The following CHD1L variants were observed in gnomAD, a reference collection of about 807,000 sequenced individuals.
CHD1L encodes ATP-dependent chromatin remodeler CHD1L.
CHD1L carries 118 observed loss-of-function variants against 115.9 expected under a neutral mutation model. That is an observed-to-expected ratio of 1.02 (90% CI 0.88 to 1.19). The LOEUF (loss-of-function observed/expected upper bound fraction) is 1.19. Ranked by LOEUF, CHD1L falls within the 50% of genes most tolerant of loss-of-function variation. CHD1L has a pLI of 0.00. For missense variants in CHD1L, 1,179 were observed against 1,065.3 expected (o/e 1.11, Z -1.49); for synonymous variants, 411 against 387.1 (o/e 1.06, Z -0.72).
intron 2 of CHD1L, among the ~76,000 whole-genome samples, chr1:147,253,705 C>T (rs193187398): frequency 6.6e-6 from 1 of 152,146 alleles, no homozygotes; most frequent in Non-Finnish European, 1.5e-5. Flanking sequence ...ACTATGTTGC[C>T]CAGGCTGGCC....
chr1:147,204,534 T>G, the CHD1L span: 1 of 1,575,712 alleles, frequency 6.3e-7, no homozygotes, highest in Non-Finnish European at 8.7e-7. Context: ...TGCAAGCTAT[T>G]TCATAACCTT....
chr1:147,207,368 T>C, the CHD1L span, among the ~76,000 whole-genome samples: 2 of 152,150 alleles, frequency 1.3e-5, no homozygotes, highest in Admixed American at 1.3e-4. Context: ...TTTTGCAACT[T>C]TTCTGTAGAT....
At position 147,291,514 on chromosome 1, in the gene CHD1L, G is replaced by T; in HGVS notation, c.2353G>T (p.Val785Phe). Residue 785 changes from valine (V) to phenylalanine (F), a missense_variant, in exon 20 of 23, where the codon GTT (valine) becomes TTT (phenylalanine). Physicochemically the swap from Val to Phe is conservative, Grantham distance 50. Transcript: ENST00000369258. ...LSLGGVLLFP[V>F]DDKESRNKGQ... is the part of the protein sequence containing the mutation. ...TTTGGGAGGTGTCCTTTTATTTCCTGTTGATGATAAAGAATCAAGAAACAA... is the reference window on the plus strand; with the variant it reads ...TTTGGGAGGTGTCCTTTTATTTCCTTTTGATGATAAAGAATCAAGAAACAA... The T allele has an allele frequency of 6.2e-7, 1 of 1,613,942 alleles. No individual in the cohort carries two copies. The highest frequency in any genetic ancestry group is 8.5e-7 in the Non-Finnish European group (1 of 1,179,906).
intron 7 of CHD1L, among the ~76,000 whole-genome samples, 161 bp from the exon 8 acceptor site, chr1:147,265,771 C>T (rs1553947639): frequency 5.3e-5 from 8 of 151,990 alleles, no homozygotes. Context: ...AAAGATGATC[C>T]CAATGAAGGA....
At chr1:147,275,822 T>C in intron 13 of CHD1L, among the ~76,000 whole-genome samples, 1 of 151,580 alleles carries the variant, frequency 6.6e-6, no homozygotes, top group Non-Finnish European at 1.5e-5. Flanking sequence ...CCCTTTGATC[T>C]GAGGATAATT....
At chr1:147,251,874 A>G (rs774086233) in intron 1 of CHD1L, among the ~76,000 whole-genome samples, 2 of 152,236 alleles carry the variant, frequency 1.3e-5, no homozygotes, top group Non-Finnish European at 2.9e-5. Flanking sequence ...TGCCTAAGAA[A>G]AATAACTTAT....
In CHD1L at chr1:147,248,574, G is replaced by C. The variant is rs150636466; in HGVS notation, c.128-4049G>C. Among the ~76,000 whole-genome samples, 22 of 152,230 alleles carry C rather than the reference G, an allele frequency of 1.4e-4. No homozygotes were observed. In the South Asian group the frequency reaches 4.6e-3, roughly 32 times the overall value. On this transcript the variant is annotated intron_variant, in intron 1 of 22. Coordinates refer to ENST00000369258, the MANE Select transcript of CHD1L (RefSeq NM_004284.6). Reference sequence around the variant, plus strand: ...TTCAAGTAATTATTACTATGTTTGAGCTTAACTCTGCCATCTTATTTTTAT... The same window carrying C: ...TTCAAGTAATTATTACTATGTTTGACCTTAACTCTGCCATCTTATTTTTAT...
the CHD1L span, chr1:147,175,755 A>G: frequency 6.6e-6 from 1 of 152,130 alleles, no homozygotes; most frequent in Non-Finnish European, 1.5e-5. Flanking sequence ...ACATCTGGTG[A>G]ATCAATAATT....
chr1:147,272,898 G>A (rs1676792478), intron 12 of CHD1L, among the ~76,000 whole-genome samples: 1 of 55,166 alleles, frequency 1.8e-5, no homozygotes, highest in African/African-American at 8.5e-5. Flanking sequence ...TCATTGTGGT[G>A]TCTGGAAAAA....
At chr1:147,279,719 AG>A (rs1680050985) in intron 14 of CHD1L, among the ~76,000 whole-genome samples, 2 of 152,216 alleles carry the variant, frequency 1.3e-5, no homozygotes, top group South Asian at 4.1e-4. Context: ...GAGGTGCTGT[AG>A]AAAATGCAGG....
chr1:147,232,733 G>C, the CHD1L span, among the ~76,000 whole-genome samples: 725 of 152,098 alleles, frequency 4.8e-3, 6 homozygotes, highest in African/African-American at 0.015. Flanking sequence ...GCTCCTAACC[G>C]TGAGTGATAT....
Position 147,276,141 on chromosome 1 carries a change from G to T in CHD1L, c.1423G>T (p.Val475Leu). ...TATTCGGCTGATTGGTCGAGACACT[G>T]TGGAAGAAATAGTCTATAGGAAAGC... ...KVIRLIGRDTVEEIVYRKAAS... is the reference protein window; with the variant it reads ...KVIRLIGRDTLEEIVYRKAAS... The change falls in exon 14 of 23, where the codon GTG becomes TTG. Residue 475 changes from valine (V) to leucine (L), a missense_variant. By Grantham distance (32) the Val-to-Leu change is conservative. Transcript: ENST00000369258. The T allele has an allele frequency of 6.2e-7, 1 of 1,614,150 alleles. No individual in the cohort carries two copies. Among genetic ancestry groups the T allele is most frequent in the Non-Finnish European group, 8.5e-7 (1 of 1,180,000 alleles).
At chr1:147,204,775 T>C in the CHD1L span, 2 of 1,574,510 alleles carry the variant, frequency 1.3e-6, no homozygotes, top group Middle Eastern at 1.7e-4. Flanking sequence ...AACCATTTTT[T>C]TCATTCCATT....
the CHD1L span, among the ~76,000 whole-genome samples, chr1:147,191,173 A>T: frequency 4.6e-4 from 70 of 152,244 alleles, no homozygotes; most frequent in African/African-American, 1.6e-3. Context: ...TAGCAGCATG[A>T]TTTATAATCC....
At chr1:147,187,302 C>T in the CHD1L span, 1 of 1,279,500 alleles carries the variant, frequency 7.8e-7, no homozygotes, top group Non-Finnish European at 1.1e-6. Flanking sequence ...GTCAGTCAAT[C>T]AATTACTGCC....
At chr1:147,234,254 C>G in the CHD1L span, among the ~76,000 whole-genome samples, 1 of 152,164 alleles carries the variant, frequency 6.6e-6, no homozygotes, top group African/African-American at 2.4e-5. Context: ...TGTGATGGCC[C>G]CCTGCTCCCA....
chr1:147,265,913 A>T lies in CHD1L; in HGVS notation c.740-19A>T. On this transcript the variant is annotated intron_variant, in intron 7 of 22. Transcript: ENST00000369258. The stretch of plus-strand genomic sequence containing the variant: ...TCTACTTTTGTCCCACACTTCTTGT[A>T]TTTTTTTTTCTTATGTAGCAAGTGA... 6.4e-7 allele frequency: 1 copy of T among 1,564,052 alleles called. No individual in the cohort carries two copies. The highest frequency in any genetic ancestry group is 8.7e-7 in the Non-Finnish European group (1 of 1,149,760).
At chr1:147,264,704 A>T in intron 7 of CHD1L, 120 bp downstream of exon 7, 1 of 985,804 alleles carries the variant, frequency 1.0e-6, no homozygotes, top group Non-Finnish European at 1.5e-6. Flanking sequence ...TTCCAGGGAG[A>T]CAGACCGCTG....
intron 19 of CHD1L, among the ~76,000 whole-genome samples, chr1:147,288,349 A>AT (rs1483288114): frequency 3.3e-5 from 5 of 149,336 alleles, no homozygotes; most frequent in Non-Finnish European, 5.9e-5. Context: ...AAAAAAAAGA[A>AT]AAAGAGAACT....
Sources: allele counts gnomAD v4.1 joint callset (sites outside exome capture counted in the v4.1 genomes callset), GRCh38; gene constraint gnomAD v4.1.1; transcripts MANE v1.5; gene names NCBI Gene and HGNC (gene_info 2026-07-23, HGNC 2026-07-21).